Variants in MYO5A observed in about 807,000 individuals in gnomAD.
MYO5A encodes the protein myosin VA, also known as unconventional myosin-Va.
Under a neutral mutation model 249.7 loss-of-function variants are expected in MYO5A, and 98 were observed. The ratio of observed to expected loss-of-function variants is 0.39; its 90% confidence interval spans 0.33 to 0.46. The LOEUF (loss-of-function observed/expected upper bound fraction) is 0.46. MYO5A is among the 20% of genes least tolerant of loss of function. MYO5A has a pLI of 0.98. For synonymous variants in MYO5A, 778 were observed against 810.6 expected (o/e 0.96, Z 0.68); for missense variants, 1,696 against 2,308.8 (o/e 0.73, Z 5.44).
In MYO5A at chr15:52,309,386, G is replaced by A. The variant is rs557060177; in HGVS notation, c.*4310C>T. 2.6e-5 allele frequency: 4 copies of A among 152,288 alleles called. No homozygotes were observed. The highest frequency in any genetic ancestry group is 1.9e-4 in the East Asian group (1 of 5,184). The allele number at this position is 152,288 out of a possible 1,614,324, so 9.4% of individuals were successfully genotyped here. A position where few individuals can be genotyped will look rare whatever the true frequency, so the allele number is the denominator to read the frequency against. The stretch of plus-strand genomic sequence containing the variant: ...GTAACTTGGTACGCAGCACTTGCTC[G>A]GTTCCCACATGCCAGCTGCCAACTC... On this transcript the variant is annotated 3_prime_UTR_variant, in exon 42 of 42. Transcript: ENST00000399233.
rs185245567 is a variant in MYO5A, at chr15:52,356,947, C to T, written c.3424-2933G>A. ...GAACAAAAAAGTAGGCATTTATAGG[C>T]TGTCAAAGTCATTTGTCCACAAATT... is the stretch of plus-strand genomic sequence containing the variant. On this transcript the variant is annotated intron_variant, in intron 25 of 41. Coordinates refer to ENST00000399233, the MANE Select transcript of MYO5A (RefSeq NM_001382347.1). 9.2e-5 allele frequency among the ~76,000 whole-genome samples: 14 copies of T among 151,904 alleles called. No homozygotes were observed. In the East Asian group the frequency reaches 2.7e-3, roughly 29 times the overall value.
Position 52,340,373 on chromosome 15 carries a change from C to T in MYO5A, c.4062G>A (p.Gln1354=), listed in dbSNP as rs756139172. 3.7e-6 allele frequency: 6 copies of T among 1,613,140 alleles called. No individual in the cohort carries two copies. The Admixed American group carries it at 1.0e-4, about 27-fold the overall frequency. ...QANRLLESQL[Q]SQKRSHENEA... Reference sequence around the variant, plus strand: ...CATTCTCATGGCTCCTCTTCTGTGACTGCAGCTGGGATTCCAGGAGCCTGC... The same window carrying T: ...CATTCTCATGGCTCCTCTTCTGTGATTGCAGCTGGGATTCCAGGAGCCTGC... Residue 1354 remains glutamine (Q), a synonymous_variant, in exon 32 of 42, where the codon CAG becomes CAA. Transcript: ENST00000399233.
chr15:52,398,243 G>C (rs1015434397), intron 9 of MYO5A, among the ~76,000 whole-genome samples: 4 of 152,132 alleles, frequency 2.6e-5, no homozygotes. Context: ...TTTTATATTA[G>C]AATGACTTCC....
chr15:52,485,889 G>C (rs1289663774), intron 1 of MYO5A, among the ~76,000 whole-genome samples: 1 of 152,102 alleles, frequency 6.6e-6, no homozygotes, highest in Non-Finnish European at 1.5e-5. Flanking sequence ...AAACACTATA[G>C]TAAATCCTTT....
chr15:52,431,608 C>A (rs767872980), intron 2 of MYO5A, among the ~76,000 whole-genome samples: 1 of 151,316 alleles, frequency 6.6e-6, no homozygotes, highest in African/African-American at 2.4e-5. Flanking sequence ...ATACTATCCT[C>A]CAATATAAGG....
intron 11 of MYO5A, among the ~76,000 whole-genome samples, chr15:52,395,238 T>C (rs571815152): frequency 1.3e-5 from 2 of 152,164 alleles, no homozygotes; most frequent in Non-Finnish European, 2.9e-5. Flanking sequence ...GTGATTTCGT[T>C]ATGACACAAA....
intron 1 of MYO5A, among the ~76,000 whole-genome samples, chr15:52,500,258 G>A (rs2077125851): frequency 6.6e-6 from 1 of 151,560 alleles, no homozygotes; most frequent in African/African-American, 2.4e-5. Context: ...TTTCCCTAAT[G>A]ATTAATGATG....
At chr15:52,481,600 G>C (rs1248768912) in intron 1 of MYO5A, among the ~76,000 whole-genome samples, 1 of 152,146 alleles carries the variant, frequency 6.6e-6, no homozygotes, top group African/African-American at 2.4e-5. Context: ...TAGAGTACAT[G>C]GTAACTTCCT....
At chr15:52,314,231 T>C (rs1476614060) in intron 40 of MYO5A, 28 bp from the exon 41 acceptor site, 3 of 1,536,620 alleles carry the variant, frequency 2.0e-6, no homozygotes, top group East Asian at 2.2e-5. Flanking sequence ...ATCAAAGTTT[T>C]TGGCATATTA....
chr15:52,318,527 T>A (rs1026725706), intron 39 of MYO5A, among the ~76,000 whole-genome samples: 7 of 151,864 alleles, frequency 4.6e-5, no homozygotes, highest in Non-Finnish European at 1.0e-4. Context: ...TGAGGAGTAT[T>A]GGGCATAAAA....
At chr15:52,349,035 A>T (rs567584330) in intron 28 of MYO5A, among the ~76,000 whole-genome samples, 1 of 152,320 alleles carries the variant, frequency 6.6e-6, no homozygotes, top group Non-Finnish European at 1.5e-5. Flanking sequence ...TTATATGTTG[A>T]CAACTTCTAT....
At chr15:52,450,843 G>GC in intron 1 of MYO5A, among the ~76,000 whole-genome samples, 1 of 84,584 alleles carries the variant, frequency 1.2e-5, no homozygotes, top group East Asian at 6.4e-4. Flanking sequence ...CACTACTGTG[G>GC]TTTTTTTTTT....
chr15:52,309,746 C>G lies in MYO5A; in HGVS notation c.*3950G>C, dbSNP rs898920562. 6.6e-6 allele frequency: 1 copy of G among 152,176 alleles called. No individual in the cohort carries two copies. The highest frequency in any genetic ancestry group is 1.5e-5 in the Non-Finnish European group (1 of 68,036). 9.4% of individuals were successfully genotyped at this position (152,176 alleles called of 1,614,324 possible). ...TCTGCATTACTTTCAACAGGATGCA[C>G]TAGTTTTGGCTCTGTTTTATCACTA... On this transcript the variant is annotated 3_prime_UTR_variant, in exon 42 of 42. Coordinates refer to ENST00000399233, the MANE Select transcript of MYO5A (RefSeq NM_001382347.1).
chr15:52,432,570 G>GAAAATCA (rs1357295610), intron 2 of MYO5A, among the ~76,000 whole-genome samples: 1 of 152,140 alleles, frequency 6.6e-6, no homozygotes, highest in Non-Finnish European at 1.5e-5. Flanking sequence ...TTGAAGTTTG[G>GAAAATCA]CTTTCTTATT....
chr15:52,402,414 G>C lies in MYO5A; in HGVS notation c.1053+2873C>G, dbSNP rs569335924. On this transcript the variant is annotated intron_variant, in intron 9 of 41. Transcript: ENST00000399233. ...TAGGCAGGAGTCTTTGTGTTCCCCT[G>C]TTTATATGGGTCCTGTGTCTTTGCC... Among the ~76,000 whole-genome samples the C allele has an allele frequency of 5.9e-5, 9 of 152,224 alleles. No individual in the cohort carries two copies. In the South Asian group the frequency reaches 1.9e-3, roughly 32 times the overall value.
At chr15:52,504,843 C>T (rs1205225800) in intron 1 of MYO5A, among the ~76,000 whole-genome samples, 1 of 150,882 alleles carries the variant, frequency 6.6e-6, no homozygotes, top group African/African-American at 2.4e-5. Context: ...GAGCTGAGAT[C>T]GCACCACTGC....
intron 1 of MYO5A, among the ~76,000 whole-genome samples, chr15:52,492,226 ACT>A (rs896881595): frequency 6.6e-6 from 1 of 152,186 alleles, no homozygotes; most frequent in African/African-American, 2.4e-5. Flanking sequence ...GGTTCACAAG[ACT>A]CAGCATATAA....
At chr15:52,504,170 G>C (rs1052769526) in intron 1 of MYO5A, among the ~76,000 whole-genome samples, 18 of 149,372 alleles carry the variant, frequency 1.2e-4, no homozygotes, top group African/African-American at 3.5e-4. Flanking sequence ...ACCATGGTTA[G>C]AAAACTGATA....
Position 52,372,267 on chromosome 15 carries a change from G to A in MYO5A, c.2674C>T (p.Leu892Phe). ...YKRSMHAIIY[L>F]QCCFRRMMAK... ...ATCATCCGCCTGAAGCAGCACTGAA[G>A]GTAGATGATGGCATGCATGCTCCTC... Residue 892 changes from leucine to phenylalanine, a missense_variant, in exon 21 of 42, where the codon CTT (leucine) becomes TTT (phenylalanine). Coordinates refer to ENST00000399233, the MANE Select transcript of MYO5A (RefSeq NM_001382347.1). 1.9e-6 allele frequency: 3 copies of A among 1,611,894 alleles called. No individual in the cohort carries two copies. Among genetic ancestry groups the A allele is most frequent in the East Asian group, 2.2e-5 (1 of 44,878 alleles).
Sources: gnomAD v4.1 joint callset for allele counts (sites outside exome capture counted in the v4.1 genomes callset) on GRCh38, gnomAD v4.1.1 for gene constraint, MANE v1.5 for transcripts, NCBI Gene and HGNC (gene_info 2026-07-23, HGNC 2026-07-21) for gene names.